The following ABCA12 variants were observed in gnomAD, a reference collection of about 807,000 sequenced individuals.
ABCA12 encodes the protein ATP binding cassette subfamily A member 12.
A neutral mutation model predicts 293.5 loss-of-function variants in ABCA12; 156 were observed. The ratio of observed to expected loss-of-function variants is 0.53; its 90% CI spans 0.47 to 0.61. The LOEUF (loss-of-function observed/expected upper bound fraction) is 0.61. Among genes scored for constraint, ABCA12 ranks in the 20% least tolerant of loss-of-function variants. The probability of loss-of-function intolerance (pLI) is 0.00; values close to 1 mark genes in which losing one functional copy is unlikely to be tolerated. For missense variants in ABCA12, 2,797 were observed against 3,090.2 expected, an observed-to-expected ratio of 0.91 and a Z score of 2.25; for synonymous variants, 1,063 against 1,108.0, an observed-to-expected ratio of 0.96 and a Z score of 0.81.
Position 215,115,353 on chromosome 2 carries a change from T to C in ABCA12, c.70-3663A>G, listed in dbSNP as rs146659049. ...TAAATTTTCATAGCAGCAGTGTTGCTCACAACACCATTCTAAATATGTTCA... is the reference window on the plus strand; with the variant it reads ...TAAATTTTCATAGCAGCAGTGTTGCCCACAACACCATTCTAAATATGTTCA... On this transcript the variant is annotated intron_variant, in intron 1 of 52. Transcript: ENST00000272895. Among the ~76,000 whole-genome samples the C allele has an allele frequency of 2.7e-3, 405 of 152,338 alleles. 4 individuals are homozygous for C. Among genetic ancestry groups the C allele is most frequent in the African/African-American group, 9.3e-3 (388 of 41,570 alleles).
intron 42 of ABCA12, among the ~76,000 whole-genome samples, 161 bp downstream of exon 42, chr2:214,956,502 G>A (rs1262979708): frequency 6.6e-6 from 1 of 152,064 alleles, no homozygotes; most frequent in Non-Finnish European, 1.5e-5. Context: ...ATTATACTTT[G>A]CAGTCTATGG....
rs10185368 is a variant in ABCA12, at chr2:215,011,476, C to T, written c.2295G>A (p.Glu765=). ...KDFLTYKLTK[E]QIASKYGIPI... is the part of the protein sequence containing the mutation. ...GAATTCCATATTTTGAAGCAATTTG[C>T]TCTTTAGTTAATTTATAAGTCAAAA... The change falls in exon 17 of 53, where the codon GAG becomes GAA. Residue 765 remains glutamate (E), a synonymous_variant. Transcript: ENST00000272895. 3.5e-3 allele frequency: 5,580 copies of T among 1,613,870 alleles called. 187 individuals are homozygous for T. In the African/African-American group the frequency reaches 0.067, roughly 20 times the overall value.
In ABCA12 at chr2:214,934,210, C is replaced by T; in HGVS notation, c.7548G>A (p.Gln2516=). Residue 2516 remains glutamine (Q), a synonymous_variant, in exon 52 of 53, where the codon CAG becomes CAA. Coordinates refer to ENST00000272895, the MANE Select transcript of ABCA12 (RefSeq NM_173076.3). ...CATGATACTCTAGCATGCTGAGGTG[C>T]TGATCCTGTGGGAACCAAAGGAAAA... ...LHFPKTYLKD[Q]HLSMLEYHVP... 2 of 1,613,636 alleles carry T rather than the reference C, an allele frequency of 1.2e-6. No homozygotes were observed. The highest frequency in any genetic ancestry group is 1.7e-5 in the Admixed American group (1 of 59,968).
At chr2:215,131,956 G>A (rs1283573782) in intron 1 of ABCA12, among the ~76,000 whole-genome samples, 1 of 151,272 alleles carries the variant, frequency 6.6e-6, no homozygotes, top group Admixed American at 6.6e-5. Flanking sequence ...TATTTGTTTT[G>A]CATTTTTTTA....
chr2:214,951,131 C>T (rs1278955308), intron 44 of ABCA12, 48 bp from the exon 45 acceptor site: 3 of 1,539,462 alleles, frequency 1.9e-6, no homozygotes, highest in African/African-American at 2.7e-5. Context: ...GAAATGACAG[C>T]ATTCAATTTT....
intron 20 of ABCA12, among the ~76,000 whole-genome samples, 157 bp downstream of exon 20, chr2:215,004,052 A>G (rs569741370): frequency 1.3e-5 from 2 of 152,314 alleles, no homozygotes; most frequent in Admixed American, 1.3e-4. Context: ...AACTGGGAAG[A>G]AGATAGGGGG....
At chr2:215,105,578 GACACACAC>G (rs747604210) in intron 2 of ABCA12, among the ~76,000 whole-genome samples, 3 of 142,728 alleles carry the variant, frequency 2.1e-5, no homozygotes, top group African/African-American at 8.0e-5. Context: ...AGGGCTTCAA[GACACACAC>G]ACACACACAC....
At chr2:215,049,844 G>A (rs1237206487) in intron 5 of ABCA12, 33 bp from the exon 6 acceptor site, 1 of 1,573,994 alleles carries the variant, frequency 6.4e-7, no homozygotes, top group Admixed American at 1.7e-5. Flanking sequence ...TAAAATAAGA[G>A]TGTTAATAAA....
intron 2 of ABCA12, among the ~76,000 whole-genome samples, chr2:215,096,704 C>A (rs189810605): frequency 6.6e-6 from 1 of 152,254 alleles, no homozygotes; most frequent in Non-Finnish European, 1.5e-5. Flanking sequence ...ATTTCAATAA[C>A]TGTGTAATTC....
intron 39 of ABCA12, among the ~76,000 whole-genome samples, chr2:214,964,275 T>C (rs1376350808): frequency 2.0e-5 from 3 of 152,174 alleles, no homozygotes; most frequent in Non-Finnish European, 4.4e-5. Flanking sequence ...AATATCATAC[T>C]GAATGGGCAA....
At chr2:214,956,028 T>C (rs1698937093) in intron 42 of ABCA12, among the ~76,000 whole-genome samples, 1 of 152,220 alleles carries the variant, frequency 6.6e-6, no homozygotes, top group South Asian at 2.1e-4. Context: ...AAGAGCATGC[T>C]TAGAAGCTGG....
At position 215,011,059 on chromosome 2, in the gene ABCA12, A is replaced by G. The variant is rs1323703567; in HGVS notation, c.2332+380T>C. Among the ~76,000 whole-genome samples, 3 of 152,124 alleles carry G rather than the reference A, an allele frequency of 2.0e-5. No homozygotes were observed. In the East Asian group the frequency reaches 5.8e-4, roughly 29 times the overall value. On this transcript the variant is annotated intron_variant, in intron 17 of 52. Transcript: ENST00000272895. ...TCTAATTCTAGAAAGTTAGGAAAAA[A>G]ATTTCAACCCAAACAGATTTAAGGC...
intron 36 of ABCA12, among the ~76,000 whole-genome samples, chr2:214,972,403 A>G (rs1261228980): frequency 6.6e-6 from 1 of 152,046 alleles, no homozygotes; most frequent in Non-Finnish European, 1.5e-5. Flanking sequence ...CTGGATTTTT[A>G]ATTTATTTTA....
chr2:215,094,652 T>C (rs1333501023), intron 2 of ABCA12, among the ~76,000 whole-genome samples: 1 of 152,196 alleles, frequency 6.6e-6, no homozygotes, highest in East Asian at 1.9e-4. Context: ...ACCTTCCCCT[T>C]GTTCTTCAGA....
intron 1 of ABCA12, among the ~76,000 whole-genome samples, chr2:215,127,384 G>A (rs1389068980): frequency 6.6e-6 from 1 of 152,248 alleles, no homozygotes; most frequent in Non-Finnish European, 1.5e-5. Context: ...AATGCTGTCA[G>A]TGGAGTACTG....
Position 214,991,006 on chromosome 2 carries a change from G to A in ABCA12, c.3320C>T (p.Ser1107Phe), listed in dbSNP as rs1469507056. The change falls in exon 24 of 53, where the codon TCC (serine) becomes TTC (phenylalanine). Residue 1107 changes from serine to phenylalanine, a missense_variant. Coordinates refer to ENST00000272895, the MANE Select transcript of ABCA12 (RefSeq NM_173076.3). Reference protein sequence around the residue: ...HEYMKMMGVNSCSHFFAWLIE... With the variant: ...HEYMKMMGVNFCSHFFAWLIE... ...AAGCCAGGCAAAGAAATGGCTGCAG[G>A]AGTTCACACCCATCATCTTCATGTA... is the stretch of plus-strand genomic sequence containing the variant. The A allele has an allele frequency of 3.1e-6, 5 of 1,613,932 alleles. No individual in the cohort carries two copies. Among genetic ancestry groups the A allele is most frequent in the South Asian group, 1.1e-5 (1 of 91,074 alleles).
intron 7 of ABCA12, among the ~76,000 whole-genome samples, chr2:215,040,545 A>G (rs578108587): frequency 6.5e-4 from 99 of 152,312 alleles, no homozygotes; most frequent in African/African-American, 2.3e-3. Flanking sequence ...GCGGTGGCTC[A>G]CACCTGTAAT....
chr2:215,038,350 G>A (rs1375283011), intron 7 of ABCA12, among the ~76,000 whole-genome samples: 1 of 152,252 alleles, frequency 6.6e-6, no homozygotes, highest in African/African-American at 2.4e-5. Flanking sequence ...TTAATAATAA[G>A]TACAGCTGGG....
At chr2:215,131,673 C>G (rs1296876428) in intron 1 of ABCA12, among the ~76,000 whole-genome samples, 1 of 140,862 alleles carries the variant, frequency 7.1e-6, no homozygotes, top group African/African-American at 2.6e-5. Flanking sequence ...TTCAAAGGAT[C>G]AACTTTTCAT....
Sources: gnomAD v4.1 joint callset for allele counts (sites outside exome capture counted in the v4.1 genomes callset) on GRCh38, gnomAD v4.1.1 for gene constraint, MANE v1.5 for transcripts, NCBI Gene and HGNC (gene_info 2026-07-23, HGNC 2026-07-21) for gene names.